The following ANKDD1A variants were observed in gnomAD, a reference collection of about 807,000 sequenced individuals.
ANKDD1A encodes the protein ankyrin repeat and death domain-containing protein 1A.
Under a neutral mutation model 63.5 loss-of-function variants are expected in ANKDD1A, and 59 were observed. That is an observed-to-expected ratio of 0.93 (90% confidence interval 0.75 to 1.15). The LOEUF (loss-of-function observed/expected upper bound fraction) is 1.15, where lower values mean the gene tolerates loss of function less well. Among genes scored for constraint, ANKDD1A ranks in the 50% most tolerant of loss-of-function variants. The probability of loss-of-function intolerance (pLI) is 0.00; values close to 1 mark genes in which losing one functional copy is unlikely to be tolerated. For synonymous variants in ANKDD1A, 266 were observed against 263.9 expected (o/e 1.01, Z -0.08); for missense variants, 632 against 656.4 (o/e 0.96, Z 0.41).
intron 14 of ANKDD1A, among the ~76,000 whole-genome samples, chr15:64,951,869 TTTC>T (rs1566916098): frequency 1.5e-5 from 1 of 68,620 alleles, no homozygotes; most frequent in African/African-American, 3.7e-5. Context: ...TCCTCTTCTT[TTTC>T]TTTCTTCTTT....
intron 12 of ANKDD1A, 35 bp from the exon 13 acceptor site, chr15:64,947,369 G>A (rs2085231685): frequency 1.3e-6 from 2 of 1,595,430 alleles, no homozygotes; most frequent in Non-Finnish European, 1.7e-6. Flanking sequence ...GGATCATGAG[G>A]GAGAGCTTCT....
intron 14 of ANKDD1A, among the ~76,000 whole-genome samples, chr15:64,953,191 CTT>C (rs1177511642): frequency 3.0e-5 from 3 of 99,592 alleles, no homozygotes; most frequent in African/African-American, 6.8e-5. Flanking sequence ...TCTTCTTCCT[CTT>C]CTTATTCTTT....
chr15:64,937,196 C>G lies in ANKDD1A; in HGVS notation c.867+2962C>G, dbSNP rs112276512. 5.5e-3 allele frequency among the ~76,000 whole-genome samples: 839 copies of G among 152,188 alleles called. 17 individuals carry two copies. Among genetic ancestry groups the G allele is most frequent in the African/African-American group, 0.019 (799 of 41,494 alleles). On this transcript the variant is annotated intron_variant, in intron 9 of 14. Transcript: ENST00000319580. Reference sequence around the variant, plus strand: ...TGGAAGGAGTAGAAGTTGGTACGATCTGTTCAGAGGGTAATTTACCAATAT... The same window carrying G: ...TGGAAGGAGTAGAAGTTGGTACGATGTGTTCAGAGGGTAATTTACCAATAT...
At chr15:64,932,722 A>C (rs1195299035) in intron 8 of ANKDD1A, 1 of 152,142 alleles carries the variant, frequency 6.6e-6, no homozygotes, top group Non-Finnish European at 1.5e-5. Context: ...CAGGCAGTTC[A>C]AAAACAGAGA....
intron 1 of ANKDD1A, among the ~76,000 whole-genome samples, chr15:64,912,358 C>T (rs8031047): frequency 0.33 from 50,885 of 152,088 alleles, 9,160 homozygotes; most frequent in Non-Finnish European, 0.41. Flanking sequence ...GAAACTGAGG[C>T]ACAGGGTGTT....
chr15:64,922,111 C>A, intron 4 of ANKDD1A, 92 bp downstream of exon 4: 2 of 1,072,874 alleles, frequency 1.9e-6, no homozygotes, highest in South Asian at 1.5e-5. Context: ...CCCCTGCTTG[C>A]CCCTCCAGCC....
chr15:64,921,208 C>G (rs1177966440), intron 3 of ANKDD1A, among the ~76,000 whole-genome samples: 1 of 152,212 alleles, frequency 6.6e-6, no homozygotes, highest in African/African-American at 2.4e-5. Flanking sequence ...CTCCTGGGCT[C>G]AAGTGATTCA....
At chr15:64,953,009 T>A (rs1352884233) in intron 14 of ANKDD1A, among the ~76,000 whole-genome samples, 1 of 145,304 alleles carries the variant, frequency 6.9e-6, no homozygotes, top group East Asian at 2.1e-4. Context: ...TAGTTCTTTC[T>A]TCTCCTTGTT....
At chr15:64,953,777 T>C (rs1400514611) in intron 14 of ANKDD1A, among the ~76,000 whole-genome samples, 23 of 21,790 alleles carry the variant, frequency 1.1e-3, no homozygotes, top group African/African-American at 1.2e-3. Context: ...CTCTTCCCTC[T>C]TTTCTTTCTT....
intron 1 of ANKDD1A, among the ~76,000 whole-genome samples, chr15:64,914,567 T>G (rs2084955717): frequency 6.6e-6 from 1 of 152,270 alleles, no homozygotes; most frequent in Non-Finnish European, 1.5e-5. Context: ...GTGCTGGGAT[T>G]GCACGCATGA....
intron 14 of ANKDD1A, among the ~76,000 whole-genome samples, chr15:64,956,553 AAAAC>A (rs113340461): frequency 0.47 from 70,510 of 151,454 alleles, 17,648 homozygotes; most frequent in East Asian, 0.82. Flanking sequence ...ACTCTGTCTC[AAAAC>A]AAACAAACAA....
intron 14 of ANKDD1A, among the ~76,000 whole-genome samples, chr15:64,951,675 TC>T (rs2085282029): frequency 3.1e-4 from 19 of 60,366 alleles, no homozygotes; most frequent in Admixed American, 2.2e-3. Context: ...TTTCTTTCTT[TC>T]CTTCTTTCTT....
At chr15:64,955,046 T>C (rs1006453922) in intron 14 of ANKDD1A, among the ~76,000 whole-genome samples, 1 of 3,404 alleles carries the variant, frequency 2.9e-4, no homozygotes, top group Non-Finnish European at 1.0e-3. Context: ...CTTCTTTCTT[T>C]CTTTCTTCTT....
chr15:64,951,591 C>CT (rs147392320), intron 14 of ANKDD1A, among the ~76,000 whole-genome samples: 2,755 of 58,830 alleles, frequency 0.047, 62 homozygotes, highest in South Asian at 0.071. Flanking sequence ...TCTTCCTTTT[C>CT]TTTCTTCTTT....
intron 11 of ANKDD1A, 115 bp downstream of exon 11, chr15:64,943,697 C>A: frequency 1.1e-6 from 1 of 947,434 alleles, no homozygotes; most frequent in Non-Finnish European, 1.7e-6. Flanking sequence ...GGACTGTCAT[C>A]CTTTCTATAC....
intron 1 of ANKDD1A, among the ~76,000 whole-genome samples, chr15:64,914,687 T>C (rs2084956606): frequency 6.6e-6 from 1 of 152,154 alleles, no homozygotes; most frequent in African/African-American, 2.4e-5. Flanking sequence ...GGCCAGGGCC[T>C]CCAAAATACT....
chr15:64,921,728 G>A (rs2085007839), intron 3 of ANKDD1A, among the ~76,000 whole-genome samples, 193 bp from the exon 4 acceptor site: 1 of 151,602 alleles, frequency 6.6e-6, no homozygotes, highest in Non-Finnish European at 1.5e-5. Flanking sequence ...TTAAAAGTTT[G>A]CAATAGTACA....
intron 3 of ANKDD1A, among the ~76,000 whole-genome samples, chr15:64,918,688 T>G (rs1189747271): frequency 6.6e-6 from 1 of 152,108 alleles, no homozygotes; most frequent in East Asian, 1.9e-4. Flanking sequence ...GTGCGGTGGC[T>G]CACACCAGTA....
At chr15:64,946,326 C>T (rs191547621) in intron 12 of ANKDD1A, among the ~76,000 whole-genome samples, 1 of 152,144 alleles carries the variant, frequency 6.6e-6, no homozygotes, top group East Asian at 1.9e-4. Flanking sequence ...AACTTCTTAT[C>T]CCTTTCAAAT....
Sources: allele counts gnomAD v4.1 joint callset (sites outside exome capture counted in the v4.1 genomes callset), GRCh38; gene constraint gnomAD v4.1.1; transcripts MANE v1.5; gene names NCBI Gene and HGNC (gene_info 2026-07-23, HGNC 2026-07-21).